The following XPNPEP3 variants were observed in gnomAD, a reference collection of about 807,000 sequenced individuals.
XPNPEP3 encodes the protein xaa-Pro aminopeptidase 3.
In XPNPEP3, 41 loss-of-function variants were observed where a neutral mutation model predicts 60.0. That is an observed-to-expected ratio of 0.68 (90% CI 0.53 to 0.89). The LOEUF (loss-of-function observed/expected upper bound fraction) is 0.89. XPNPEP3 is among the 40% of genes least tolerant of loss of function. The probability of loss-of-function intolerance (pLI) is 0.00; values close to 1 mark genes in which losing one functional copy is unlikely to be tolerated. For synonymous variants in XPNPEP3, 212 were observed against 223.2 expected, an observed-to-expected ratio of 0.95 and a Z score of 0.45; for missense variants, 598 against 638.9, an observed-to-expected ratio of 0.94 and a Z score of 0.69.
intron 1 of XPNPEP3, chr22:40,862,222 G>A (rs1569012930): frequency 6.9e-6 from 9 of 1,310,638 alleles, no homozygotes; most frequent in South Asian, 1.9e-5. Flanking sequence ...TCTGGGGTCA[G>A]TGTAGGGACT....
intron 6 of XPNPEP3, among the ~76,000 whole-genome samples, chr22:40,911,455 A>G (rs1159804177): frequency 7.1e-6 from 1 of 140,062 alleles, no homozygotes; most frequent in Non-Finnish European, 1.6e-5. Context: ...CACGTGTAGA[A>G]CTCTTTGGGC....
intron 7 of XPNPEP3, among the ~76,000 whole-genome samples, chr22:40,919,539 T>G (rs1201110803): frequency 6.6e-6 from 1 of 152,172 alleles, no homozygotes; most frequent in Non-Finnish European, 1.5e-5. Flanking sequence ...TAATATTTTG[T>G]TTTTTTGTAG....
At chr22:40,926,159 A>G in intron 9 of XPNPEP3, 110 bp from the exon 10 acceptor site, 1 of 1,133,014 alleles carries the variant, frequency 8.8e-7, no homozygotes, top group East Asian at 2.3e-5. Context: ...GGTACCATAA[A>G]GATCCAGTAT....
chr22:40,904,366 A>G lies in XPNPEP3; in HGVS notation c.793-3221A>G, dbSNP rs13055690. On this transcript the variant is annotated intron_variant, in intron 4 of 9. Transcript: ENST00000357137. ...AACTTTTGTATCCTGTTGAGTCTGC[A>G]TAACAGTTTGAAAGAGTCATGACTG... Among the ~76,000 whole-genome samples the G allele has an allele frequency of 7.1e-3, 1,080 of 152,334 alleles. 6 individuals carry two copies. Among genetic ancestry groups the G allele is most frequent in the Non-Finnish European group, 0.012 (829 of 68,022 alleles).
intron 9 of XPNPEP3, 93 bp downstream of exon 9, chr22:40,924,575 G>A (rs2058228290): frequency 6.5e-7 from 1 of 1,533,536 alleles, no homozygotes; most frequent in Non-Finnish European, 8.8e-7. Context: ...CCAGGCTGGA[G>A]TGAAGTGGTG....
rs766199609 is a variant in XPNPEP3, at chr22:40,861,835, C to A, written c.64+4590C>A. On this transcript the variant is annotated intron_variant, in intron 1 of 9. Transcript: ENST00000357137. ...CGTTTCTCATCATTTGATAATACCT[C>A]GTATGCCTCAGCTACTTCTTTGAAT... 1.5e-5 allele frequency: 24 copies of A among 1,613,908 alleles called. No homozygotes were observed. In the Middle Eastern group the frequency reaches 4.9e-4, roughly 33 times the overall value.
At position 40,907,415 on chromosome 22, in the gene XPNPEP3, C is replaced by T. The variant is rs374249233; in HGVS notation, c.793-172C>T. On this transcript the variant is annotated intron_variant, in intron 4 of 9. Transcript: ENST00000357137. The stretch of plus-strand genomic sequence containing the variant: ...CAGCCTGGGCAACAGAGCGAGACTC[C>T]GTCTCAAAAAAAAAACAAAAAAAAC... 2.5e-4 allele frequency among the ~76,000 whole-genome samples: 38 copies of T among 151,302 alleles called. No homozygotes were observed. In the South Asian group the frequency reaches 6.0e-3, roughly 24 times the overall value.
At chr22:40,902,071 CTTTT>C (rs748080226) in intron 4 of XPNPEP3, among the ~76,000 whole-genome samples, 2 of 127,606 alleles carry the variant, frequency 1.6e-5, no homozygotes, top group Non-Finnish European at 3.3e-5. Context: ...ACTTTTCCTT[CTTTT>C]TTTTTTTTTT....
chr22:40,868,924 A>G (rs185415959), intron 1 of XPNPEP3, 75 bp from the exon 2 acceptor site: 76 of 1,142,496 alleles, frequency 6.7e-5, no homozygotes, highest in Admixed American at 5.1e-5. Flanking sequence ...CTAAACTGCT[A>G]GAGATAAGTG....
Position 40,929,089 on chromosome 22 carries a change from C to G in XPNPEP3, c.*2654C>G, listed in dbSNP as rs962674836. 1 of 152,182 alleles carries G rather than the reference C, an allele frequency of 6.6e-6. No homozygotes were observed. Among genetic ancestry groups the G allele is most frequent in the African/African-American group, 2.4e-5 (1 of 41,432 alleles). 9.4% of individuals were successfully genotyped at this position (152,182 alleles called of 1,614,324 possible). A position where few individuals can be genotyped will look rare whatever the true frequency, so the allele number is the denominator to read the frequency against. On this transcript the variant is annotated 3_prime_UTR_variant, in exon 10 of 10. Transcript: ENST00000357137. Reference sequence around the variant, plus strand: ...GCTCTGGCTGCTCACTTCCCAGGCTCTGTGCCCCCAACAGCCCTTTCCTTG... The same window carrying G: ...GCTCTGGCTGCTCACTTCCCAGGCTGTGTGCCCCCAACAGCCCTTTCCTTG...
At chr22:40,872,811 T>C (rs1374171718) in intron 2 of XPNPEP3, among the ~76,000 whole-genome samples, 1 of 152,078 alleles carries the variant, frequency 6.6e-6, no homozygotes, top group Admixed American at 6.6e-5. Context: ...CTTCCATGGT[T>C]CCCTGATTAT....
chr22:40,865,640 C>T (rs2057974698), intron 1 of XPNPEP3, among the ~76,000 whole-genome samples: 1 of 132,644 alleles, frequency 7.5e-6, no homozygotes, highest in South Asian at 2.4e-4. Flanking sequence ...GTCCTCCCCA[C>T]TTCTTAAAAC....
At position 40,926,338 on chromosome 22, in the gene XPNPEP3, A is replaced by C. The variant is rs777080770; in HGVS notation, c.1427A>C (p.Asp476Ala). The C allele has an allele frequency of 2.3e-5, 37 of 1,614,178 alleles. No individual in the cohort carries two copies. Among genetic ancestry groups the C allele is most frequent in the Non-Finnish European group, 3.1e-5 (37 of 1,180,036 alleles). The stretch of plus-strand genomic sequence containing the variant: ...CGGGGTCTTGGTGTACGAATTGAGG[A>C]TGATGTAGTGGTGACTCAGGACTCA... ...KFRGLGVRIEDDVVVTQDSPL... is the reference protein window; with the variant it reads ...KFRGLGVRIEADVVVTQDSPL... The change falls in exon 10 of 10, where the codon GAT becomes GCT. Residue 476 changes from aspartate (D) to alanine (A), a missense_variant. Coordinates refer to ENST00000357137, the MANE Select transcript of XPNPEP3 (RefSeq NM_022098.4).
intron 4 of XPNPEP3, among the ~76,000 whole-genome samples, chr22:40,894,325 T>C (rs2058099949): frequency 6.6e-6 from 1 of 152,218 alleles, no homozygotes; most frequent in African/African-American, 2.4e-5. Flanking sequence ...TCTGTACCAC[T>C]CATTTATTGA....
rs763808975 is a variant in XPNPEP3, at chr22:40,922,386, A to G, written c.1109A>G (p.Asp370Gly). Residue 370 changes from aspartate to glycine, a missense_variant, in exon 8 of 10, where the codon GAT becomes GGT. By Grantham distance (94) the Asp-to-Gly change is moderately conservative (BLOSUM62 -1). Coordinates refer to ENST00000357137, the MANE Select transcript of XPNPEP3 (RefSeq NM_022098.4). The part of the protein sequence containing the change: ...LYEAVLEIQR[D>G]CLALCFPGTS... ...GAAGCCGTTCTAGAGATCCAAAGAG[A>G]TTGTTTGGCCCTCTGCTTCCCTGGG... 2 of 1,613,738 alleles carry G rather than the reference A, an allele frequency of 1.2e-6. No individual in the cohort carries two copies. The highest frequency in any genetic ancestry group is 2.2e-5 in the East Asian group (1 of 44,882).
At chr22:40,872,783 A>G (rs1431778609) in intron 2 of XPNPEP3, among the ~76,000 whole-genome samples, 3 of 152,062 alleles carry the variant, frequency 2.0e-5, no homozygotes, top group Admixed American at 6.6e-5. Context: ...ATATTATATT[A>G]TCTGTACAAG....
At chr22:40,896,003 T>C (rs2058106274) in intron 4 of XPNPEP3, among the ~76,000 whole-genome samples, 1 of 152,202 alleles carries the variant, frequency 6.6e-6, no homozygotes, top group Admixed American at 6.5e-5. Context: ...TCTCTTACCA[T>C]GCTGATATTA....
chr22:40,913,661 A>G (rs1012328734), intron 6 of XPNPEP3, among the ~76,000 whole-genome samples: 2 of 152,098 alleles, frequency 1.3e-5, no homozygotes, highest in Admixed American at 6.6e-5. Flanking sequence ...TTCAGTCCCA[A>G]GGAGTCTGGT....
intron 4 of XPNPEP3, among the ~76,000 whole-genome samples, chr22:40,899,834 AAAAG>A (rs1366671927): frequency 2.0e-5 from 3 of 148,064 alleles, no homozygotes; most frequent in African/African-American, 2.4e-5. Flanking sequence ...AAAAAAAAAA[AAAAG>A]GAATGAAGTT....
Sources: allele counts gnomAD v4.1 joint callset (sites outside exome capture counted in the v4.1 genomes callset), GRCh38; gene constraint gnomAD v4.1.1; transcripts MANE v1.5; gene names NCBI Gene and HGNC (gene_info 2026-07-23, HGNC 2026-07-21).